Variants in KANK1 observed in about 807,000 individuals in gnomAD.
KANK1 encodes KN motif and ankyrin repeat domain-containing protein 1.
In KANK1, 109 loss-of-function variants were observed where a neutral mutation model predicts 106.2. The ratio of observed to expected loss-of-function variants is 1.03; its 90% CI spans 0.88 to 1.20. The LOEUF is 1.20. Ranked by LOEUF, KANK1 falls within the 50% of genes most tolerant of loss-of-function variation. KANK1 has a pLI of 0.00. For synonymous variants in KANK1, 873 were observed against 652.2 expected (o/e 1.34, Z -5.16); for missense variants, 2,399 against 1,710.7 (o/e 1.40, Z -7.10).
chr9:735,613 C>A, intron 7 of KANK1: 1 of 220,590 alleles, frequency 4.5e-6, no homozygotes, highest in South Asian at 5.9e-5. Flanking sequence ...ACTCAAGTCC[C>A]TTATGTAAAA....
intron 1 of KANK1, among the ~76,000 whole-genome samples, chr9:663,566 T>A (rs566954586): frequency 1.3e-5 from 2 of 152,350 alleles, no homozygotes; most frequent in East Asian, 3.9e-4. Context: ...CTGATGCTCT[T>A]CTTTAGACTA....
At chr9:709,863 C>A (rs1310510551) in intron 2 of KANK1, among the ~76,000 whole-genome samples, 1 of 152,090 alleles carries the variant, frequency 6.6e-6, no homozygotes, top group South Asian at 2.1e-4. Context: ...GTGATCCACC[C>A]GCCTTGGCCT....
intron 3 of KANK1, among the ~76,000 whole-genome samples, chr9:494,855 G>C (rs1366648788): frequency 6.6e-6 from 1 of 152,138 alleles, no homozygotes; most frequent in Non-Finnish European, 1.5e-5. Flanking sequence ...AAATTAGCTG[G>C]GCAGTGTAGT....
At chr9:654,342 C>G (rs1209705155) in intron 1 of KANK1, among the ~76,000 whole-genome samples, 1 of 152,180 alleles carries the variant, frequency 6.6e-6, no homozygotes, top group Non-Finnish European at 1.5e-5. Flanking sequence ...AGACAAGAAT[C>G]AGTTGAGAAT....
chr9:735,806 C>T (rs1235561931), intron 7 of KANK1: 1 of 382,164 alleles, frequency 2.6e-6, no homozygotes, highest in South Asian at 1.9e-5. Context: ...CGAGCTTAGC[C>T]AACATGGTGA....
In KANK1 at chr9:745,457, CAGTCT is replaced by C; in HGVS notation, c.*223_*227del. 1 of 483,636 alleles carries C rather than the reference CAGTCT, an allele frequency of 2.1e-6. No individual in the cohort carries two copies. Among genetic ancestry groups the C allele is most frequent in the Non-Finnish European group, 3.7e-6 (1 of 270,372 alleles). The allele number at this position is 483,636 out of a possible 1,614,324, so 30.0% of individuals were successfully genotyped here. ...CTTCTGTGTAGGGCACACTTTAACC[CAGTCT>C]CTGTTGCTGTTGAGTCTCTGCTCCG... On this transcript the variant is annotated 3_prime_UTR_variant, in exon 12 of 12. Coordinates refer to ENST00000382297, the MANE Select transcript of KANK1 (RefSeq NM_015158.5).
chr9:742,178 T>A, intron 9 of KANK1, 27 bp from the exon 10 acceptor site: 1 of 1,609,184 alleles, frequency 6.2e-7, no homozygotes, highest in South Asian at 1.1e-5. Flanking sequence ...TACGTACTTC[T>A]GAAGTCCTTG....
intron 3 of KANK1, among the ~76,000 whole-genome samples, chr9:490,917 TGAG>T (rs756358438): frequency 2.9e-4 from 44 of 151,138 alleles, no homozygotes; most frequent in Admixed American, 1.3e-3. Flanking sequence ...CGAAAAAAGA[TGAG>T]GAGAACAAAG....
At chr9:710,478 C>T (rs1212468585) in intron 2 of KANK1, among the ~76,000 whole-genome samples, 2 of 151,876 alleles carry the variant, frequency 1.3e-5, no homozygotes, top group Non-Finnish European at 2.9e-5. Flanking sequence ...ATTAGCCAGG[C>T]GTGGTGGTGC....
chr9:583,323 A>C (rs1398630388), intron 1 of KANK1, among the ~76,000 whole-genome samples: 2 of 152,212 alleles, frequency 1.3e-5, no homozygotes, highest in Admixed American at 6.5e-5. Flanking sequence ...TAGGTTCATC[A>C]TAAGGACTGA....
At chr9:696,388 A>G (rs889787488) in intron 2 of KANK1, among the ~76,000 whole-genome samples, 1 of 152,196 alleles carries the variant, frequency 6.6e-6, no homozygotes, top group Non-Finnish European at 1.5e-5. Flanking sequence ...TTCCGCGTAT[A>G]TAGGCAAAGT....
chr9:557,295 A>G (rs1195210578), intron 1 of KANK1, among the ~76,000 whole-genome samples: 5 of 152,358 alleles, frequency 3.3e-5, no homozygotes, highest in East Asian at 3.9e-4. Context: ...TCCAGCAAAT[A>G]TAAAACAGAA....
chr9:692,350 TTGG>T (rs1462737186), intron 2 of KANK1, among the ~76,000 whole-genome samples: 11 of 130,624 alleles, frequency 8.4e-5, no homozygotes, highest in African/African-American at 3.0e-4. Flanking sequence ...GGCTTGGGGC[TTGG>T]TTTATACCAA....
intron 1 of KANK1, among the ~76,000 whole-genome samples, chr9:524,825 G>A (rs1176495783): frequency 6.6e-6 from 1 of 151,270 alleles, no homozygotes; most frequent in Non-Finnish European, 1.5e-5. Flanking sequence ...CTCGTTACTG[G>A]TTTTGATCAG....
intron 1 of KANK1, among the ~76,000 whole-genome samples, chr9:667,593 T>G (rs2138413548): frequency 6.6e-6 from 1 of 152,260 alleles, no homozygotes; most frequent in Non-Finnish European, 1.5e-5. Flanking sequence ...CTGTGTTTAC[T>G]GTATCCCATA....
intron 1 of KANK1, among the ~76,000 whole-genome samples, chr9:524,511 T>C (rs771391733): frequency 2.4e-4 from 37 of 151,772 alleles, no homozygotes; most frequent in Non-Finnish European, 5.0e-4. Context: ...TCACTTATTG[T>C]GGGGTTTTTT....
At chr9:585,575 C>T (rs1006867041) in intron 1 of KANK1, among the ~76,000 whole-genome samples, 1 of 152,194 alleles carries the variant, frequency 6.6e-6, no homozygotes, top group African/African-American at 2.4e-5. Flanking sequence ...CTAATACAAT[C>T]CACACTGAAG....
chr9:588,071 A>G (rs1247623783), intron 1 of KANK1, among the ~76,000 whole-genome samples: 1 of 60,622 alleles, frequency 1.6e-5, no homozygotes, highest in Non-Finnish European at 3.2e-5. Context: ...GTCTCAAGAA[A>G]AAAAAAAAGA....
intron 10 of KANK1, among the ~76,000 whole-genome samples, chr9:743,772 G>A (rs1344252417): frequency 6.6e-6 from 1 of 152,332 alleles, no homozygotes; most frequent in East Asian, 1.9e-4. Flanking sequence ...TGAGGCAGGA[G>A]AATCACTTGA....
Sources: allele counts gnomAD v4.1 joint callset (sites outside exome capture counted in the v4.1 genomes callset), GRCh38; gene constraint gnomAD v4.1.1; transcripts MANE v1.5; gene names NCBI Gene and HGNC (gene_info 2026-07-23, HGNC 2026-07-21).